GALM: variants seen among roughly 807,000 people sequenced by gnomAD.
GALM encodes the protein aldose 1-epimerase.
In GALM, 43 loss-of-function variants were observed where a neutral mutation model predicts 37.4. The observed-to-expected ratio is 1.15, with a 90% CI of 0.90 to 1.48. The LOEUF (loss-of-function observed/expected upper bound fraction) is 1.48, where lower values mean the gene tolerates loss of function less well. GALM is among the 40% of genes most tolerant of loss of function. GALM has a pLI of 0.00. For synonymous variants in GALM, 199 were observed against 170.6 expected (o/e 1.17, Z -1.30); for missense variants, 456 against 419.1 (o/e 1.09, Z -0.77).
intron 1 of GALM, among the ~76,000 whole-genome samples, chr2:38,672,587 T>A (rs1365966296): frequency 2.0e-5 from 3 of 152,168 alleles, no homozygotes; most frequent in Non-Finnish European, 4.4e-5. Context: ...ACTGTCTGGA[T>A]TCAAGTCTTG....
At chr2:38,690,166 G>C (rs1177275356) in intron 4 of GALM, among the ~76,000 whole-genome samples, 1 of 152,090 alleles carries the variant, frequency 6.6e-6, no homozygotes, top group East Asian at 1.9e-4. Flanking sequence ...TTAAAAAATG[G>C]TGAGTAAGAT....
chr2:38,696,168 G>A (rs965438285), intron 4 of GALM, among the ~76,000 whole-genome samples: 1 of 151,514 alleles, frequency 6.6e-6, no homozygotes, highest in African/African-American at 2.4e-5. Flanking sequence ...TGCCCAGGCT[G>A]GAGTGCAATG....
intron 3 of GALM, among the ~76,000 whole-genome samples, chr2:38,689,431 C>T (rs1035127850): frequency 6.6e-6 from 1 of 152,204 alleles, no homozygotes; most frequent in Non-Finnish European, 1.5e-5. Context: ...GTACCCTGAC[C>T]TCTCAGGATG....
chr2:38,729,748 C>T (rs778897242), intron 5 of GALM, 51 bp downstream of exon 5: 19 of 1,504,806 alleles, frequency 1.3e-5, no homozygotes, highest in Non-Finnish European at 1.7e-5. Context: ...GACACCAAGT[C>T]CTATTTTCCT....
At chr2:38,694,913 C>CA (rs1553382078) in intron 4 of GALM, among the ~76,000 whole-genome samples, 1 of 132,982 alleles carries the variant, frequency 7.5e-6, no homozygotes, top group Non-Finnish European at 1.5e-5. Context: ...AAAAAAAAAA[C>CA]AAAAAAAGAA....
At chr2:38,698,322 G>A (rs1188519954) in intron 4 of GALM, 3 of 1,095,354 alleles carry the variant, frequency 2.7e-6, no homozygotes, top group Admixed American at 2.3e-5. Flanking sequence ...TGTATTGAGT[G>A]CATAGCCCTT....
At chr2:38,674,580 T>C (rs1270827102) in intron 1 of GALM, among the ~76,000 whole-genome samples, 1 of 152,198 alleles carries the variant, frequency 6.6e-6, no homozygotes, top group Non-Finnish European at 1.5e-5. Context: ...GAAACTCACA[T>C]TTAACCAAGC....
intron 4 of GALM, among the ~76,000 whole-genome samples, chr2:38,713,612 G>T (rs1481208719): frequency 3.3e-5 from 5 of 152,112 alleles, no homozygotes; most frequent in Non-Finnish European, 7.4e-5. Flanking sequence ...CTCTGTCTAG[G>T]TTGAAATCTT....
intron 4 of GALM, among the ~76,000 whole-genome samples, chr2:38,720,415 A>T (rs13027733): frequency 0.34 from 1,817 of 5,410 alleles, 63 homozygotes; most frequent in East Asian, 0.53. Context: ...CTTCTATGTT[A>T]AAAAAAAAAA....
At chr2:38,699,478 G>A (rs1200046416) in intron 4 of GALM, among the ~76,000 whole-genome samples, 1 of 152,076 alleles carries the variant, frequency 6.6e-6, no homozygotes, top group East Asian at 1.9e-4. Flanking sequence ...GTGCTTTAGA[G>A]CACTAGCACT....
intron 1 of GALM, among the ~76,000 whole-genome samples, chr2:38,667,732 G>A (rs557959255): frequency 3.7e-4 from 56 of 151,994 alleles, no homozygotes; most frequent in African/African-American, 1.2e-3. Context: ...AGCTACTTGG[G>A]AGGCTGAGGC....
chr2:38,682,366 C>A, intron 3 of GALM: 1 of 352,212 alleles, frequency 2.8e-6, no homozygotes, highest in Non-Finnish European at 6.2e-6. Flanking sequence ...CTATACTTGA[C>A]TCACTTTGGC....
rs1345293034 is a variant in GALM, at chr2:38,710,991, C to T, written c.635-18565C>T. Among the ~76,000 whole-genome samples, 4 of 151,690 alleles carry T rather than the reference C, an allele frequency of 2.6e-5. No individual in the cohort carries two copies. The East Asian group carries it at 5.8e-4, about 22-fold the overall frequency. Reference sequence around the variant, plus strand: ...CTGGTCTTGAACTTCTGACTTTAGGCGATCCACCCACCTCAGCCTCCCAAA... The same window carrying T: ...CTGGTCTTGAACTTCTGACTTTAGGTGATCCACCCACCTCAGCCTCCCAAA... On this transcript the variant is annotated intron_variant, in intron 4 of 6. Transcript: ENST00000272252.
chr2:38,726,714 G>A (rs1201833340), intron 4 of GALM, among the ~76,000 whole-genome samples: 3 of 150,382 alleles, frequency 2.0e-5, no homozygotes, highest in Non-Finnish European at 4.4e-5. Flanking sequence ...TGGCCAAAAC[G>A]GTGAAAGCCC....
rs534942539 is a variant in GALM at position 38,729,101 on chromosome 2, A to G, written c.635-455A>G. The stretch of plus-strand genomic sequence containing the variant: ...ATCATTAGATACTCTAGTTCCTTCT[A>G]TAAAATGGTGCAGTATTTGCATATA... On this transcript the variant is annotated intron_variant, in intron 4 of 6. Transcript: ENST00000272252. 1.6e-4 allele frequency among the ~76,000 whole-genome samples: 25 copies of G among 152,270 alleles called. No individual in the cohort carries two copies. The South Asian group carries it at 5.2e-3, about 32-fold the overall frequency.
chr2:38,667,834 C>G (rs1465167660), intron 1 of GALM, among the ~76,000 whole-genome samples: 2 of 152,096 alleles, frequency 1.3e-5, no homozygotes, highest in Admixed American at 6.6e-5. Context: ...GAGACCCCAT[C>G]TCAAAAAAAT....
intron 1 of GALM, 25 bp from the exon 2 acceptor site, chr2:38,675,887 G>T: frequency 6.2e-7 from 1 of 1,613,114 alleles, no homozygotes; most frequent in Non-Finnish European, 8.5e-7. Flanking sequence ...AGTTTTAAAA[G>T]TGCTGTCATC....
At chr2:38,730,713 G>C (rs1175467682) in intron 5 of GALM, among the ~76,000 whole-genome samples, 2 of 149,500 alleles carry the variant, frequency 1.3e-5, no homozygotes, top group Non-Finnish European at 3.0e-5. Flanking sequence ...TTGAGGTCAG[G>C]AGTTTGAGAC....
chr2:38,712,660 AC>A (rs1303722969), intron 4 of GALM, among the ~76,000 whole-genome samples: 2 of 152,064 alleles, frequency 1.3e-5, no homozygotes, highest in Non-Finnish European at 2.9e-5. Context: ...CCTGCTTCTG[AC>A]TCCAGCAGTG....
Sources: gnomAD v4.1 joint callset for allele counts (sites outside exome capture counted in the v4.1 genomes callset) on GRCh38, gnomAD v4.1.1 for gene constraint, MANE v1.5 for transcripts, NCBI Gene and HGNC (gene_info 2026-07-23, HGNC 2026-07-21) for gene names.